The following MBD3 variants were observed in gnomAD, a reference collection of about 807,000 sequenced individuals.
The protein encoded by MBD3 is methyl-CpG-binding domain protein 3.
MBD3 carries 13 observed loss-of-function variants against 31.2 expected under a neutral mutation model. That is an observed-to-expected ratio of 0.42 (90% CI 0.27 to 0.66). The LOEUF (loss-of-function observed/expected upper bound fraction) is 0.66, where lower values mean the gene tolerates loss of function less well. Among genes scored for constraint, MBD3 ranks in the 30% least tolerant of loss-of-function variants. MBD3 has a pLI of 0.26. For missense variants in MBD3, 440 were observed against 426.5 expected (o/e 1.03, Z -0.28); for synonymous variants, 223 against 187.4 (o/e 1.19, Z -1.55).
Position 1,584,697 on chromosome 19 carries a change from C to T in MBD3, c.271-20G>A, listed in dbSNP as rs564662395. On this transcript the variant is annotated intron_variant, in intron 2 of 6. Coordinates refer to ENST00000434436, the MANE Select transcript of MBD3 (RefSeq NM_001281453.2). ...CTTGCCCTGCGGGAGGAAGGATATGCAGTCCGGCCTGGGGGCGCCCCGGCG... is the reference window on the plus strand; with the variant it reads ...CTTGCCCTGCGGGAGGAAGGATATGTAGTCCGGCCTGGGGGCGCCCCGGCG... 3 of 1,606,928 alleles carry T rather than the reference C, an allele frequency of 1.9e-6. No individual in the cohort carries two copies. Among genetic ancestry groups the T allele is most frequent in the Non-Finnish European group, 8.5e-7 (1 of 1,178,794 alleles).
intron 5 of MBD3, among the ~76,000 whole-genome samples, chr19:1,579,181 CAAAAAA>C (rs57070800): frequency 9.3e-5 from 2 of 21,494 alleles, no homozygotes. Context: ...CAGATTCTGC[CAAAAAA>C]AAAAAAAAAA....
intron 5 of MBD3, among the ~76,000 whole-genome samples, chr19:1,579,861 G>C (rs1239020613): frequency 6.6e-6 from 1 of 152,214 alleles, no homozygotes; most frequent in African/African-American, 2.4e-5. Context: ...AGGCTCCAGT[G>C]ATTCTCCTGC....
Position 1,578,096 on chromosome 19 carries a change from G to T in MBD3, c.*68C>A. 8.1e-6 allele frequency: 5 copies of T among 617,454 alleles called. No homozygotes were observed. Among genetic ancestry groups the T allele is most frequent in the Non-Finnish European group, 1.1e-5 (4 of 355,934 alleles). 38.2% of individuals were successfully genotyped at this position (617,454 alleles called of 1,614,324 possible). ...GGCTTCGCCGCCGAGCCTGGTTCAC[G>T]TGGGGCCGAGGACCGCGTCTGCAGG... On this transcript the variant is annotated 3_prime_UTR_variant, in exon 7 of 7. Transcript: ENST00000434436. The surrounding 1 kb of genome is among the most constrained non-coding windows in gnomAD (Gnocchi z 6.1).
At chr19:1,592,450 G>A in intron 1 of MBD3, 72 bp downstream of exon 1, 1 of 702,612 alleles carries the variant, frequency 1.4e-6, no homozygotes, top group Non-Finnish European at 2.0e-6. Context: ...CCGGGGCAGG[G>A]GCGCCGAGGC....
chr19:1,579,302 C>T (rs945610088), intron 5 of MBD3, among the ~76,000 whole-genome samples: 6 of 151,766 alleles, frequency 4.0e-5, no homozygotes, highest in African/African-American at 1.2e-4. Flanking sequence ...TATGCACCAG[C>T]GTGTACTCCT....
chr19:1,592,103 C>A (rs552620362), intron 1 of MBD3: 1 of 152,526 alleles, frequency 6.6e-6, no homozygotes, highest in African/African-American at 2.4e-5. Flanking sequence ...GCCCATGAGC[C>A]CTGCTCCCCG....
Position 1,582,658 on chromosome 19 carries a change from G to C in MBD3, c.463C>G (p.Leu155Val). The C allele has an allele frequency of 6.2e-7, 1 of 1,614,066 alleles. No individual in the cohort carries two copies. Among genetic ancestry groups the C allele is most frequent in the Admixed American group, 1.7e-5 (1 of 60,020 alleles). The change falls in exon 4 of 7, where the codon CTG (leucine) becomes GTG (valine). Residue 155 changes from leucine to valine, a missense_variant. Transcript: ENST00000434436. ...TTGGGGAGGTCCATGGTCTTGACCA[G>C]CTCCTCAGCAATGTCGAAGGCGTTC... ...GLNAFDIAEELVKTMDLPKGL... is the reference protein window; with the variant it reads ...GLNAFDIAEEVVKTMDLPKGL...
chr19:1,582,455 T>A (rs1377569584), intron 4 of MBD3, among the ~76,000 whole-genome samples, 167 bp downstream of exon 4: 16 of 151,946 alleles, frequency 1.1e-4, no homozygotes, highest in Admixed American at 5.9e-4. Context: ...CCCTTACCCA[T>A]CCCCAACCCC....
chr19:1,581,385 C>A, intron 4 of MBD3, 116 bp from the exon 5 acceptor site: 1 of 1,058,888 alleles, frequency 9.4e-7, no homozygotes. Context: ...TGGAAGGAAC[C>A]CCAACTTGGG....
rs903020713 is a variant in MBD3, at chr19:1,576,330, G to A, written c.*1834C>T. On this transcript the variant is annotated 3_prime_UTR_variant, in exon 7 of 7. Coordinates refer to ENST00000434436, the MANE Select transcript of MBD3 (RefSeq NM_001281453.2). ...GCGGCTGTGCAGGACCTGAGGACCT[G>A]GGGGGCCCTCCCTGCCAGGCAGCCC... The A allele has an allele frequency of 6.6e-6, 1 of 152,244 alleles. No individual in the cohort carries two copies. The highest frequency in any genetic ancestry group is 2.4e-5 in the African/African-American group (1 of 41,444). 9.4% of individuals were successfully genotyped at this position (152,244 alleles called of 1,614,324 possible). A position where few individuals can be genotyped will look rare whatever the true frequency, so the allele number is the denominator to read the frequency against.
In MBD3 at chr19:1,592,503, G is replaced by A. The variant is rs374262702; in HGVS notation, c.110+19C>T. ...GGAGGAGCCCGTTGAGGCCCTGCGC[G>A]GCCGGCGCGCTCATTCACCTATAGT... On this transcript the variant is annotated intron_variant, in intron 1 of 6. Transcript: ENST00000434436. 113 of 1,350,414 alleles carry A rather than the reference G, an allele frequency of 8.4e-5. No individual in the cohort carries two copies. The African/African-American group carries it at 1.4e-3, about 17-fold the overall frequency. The allele number at this position is 1,350,414 out of a possible 1,614,324, so 83.7% of individuals were successfully genotyped here.
At chr19:1,589,754 G>T (rs745706577) in intron 1 of MBD3, among the ~76,000 whole-genome samples, 2 of 151,904 alleles carry the variant, frequency 1.3e-5, no homozygotes, top group African/African-American at 4.8e-5. Context: ...GATCGCTTGA[G>T]CCCAGGAGGT....
intron 4 of MBD3, 170 bp from the exon 5 acceptor site, chr19:1,581,439 T>C: frequency 1.4e-6 from 1 of 725,214 alleles, no homozygotes; most frequent in Non-Finnish European, 2.3e-6. Context: ...ACTACATTCA[T>C]AACAGAAAAA....
At chr19:1,584,700 T>A in intron 2 of MBD3, 23 bp from the exon 3 acceptor site, 1 of 1,606,174 alleles carries the variant, frequency 6.2e-7, no homozygotes, top group South Asian at 1.1e-5. Flanking sequence ...GGATATGCAG[T>A]CCGGCCTGGG....
Position 1,578,233 on chromosome 19 carries a change from A to G in MBD3, c.*6-75T>C. 6.5e-7 allele frequency: 1 copy of G among 1,547,322 alleles called. No homozygotes were observed. On this transcript the variant is annotated intron_variant, in intron 6 of 6. Coordinates refer to ENST00000434436, the MANE Select transcript of MBD3 (RefSeq NM_001281453.2). This position sits in a 1 kb window ranked among gnomAD's most constrained non-coding sequence, Gnocchi z 6.1. Reference sequence around the variant, plus strand: ...GCTTGGGCTCTTCTAGGGAGATGGGAAGCTCTTGGGAGGCACCCGTCATCC... The same window carrying G: ...GCTTGGGCTCTTCTAGGGAGATGGGGAGCTCTTGGGAGGCACCCGTCATCC...
intron 1 of MBD3, among the ~76,000 whole-genome samples, chr19:1,590,541 C>A (rs2060698795): frequency 6.6e-6 from 1 of 152,080 alleles, no homozygotes; most frequent in Non-Finnish European, 1.5e-5. Flanking sequence ...TCGCCTGAGC[C>A]TGGGAGGTCA....
In MBD3 at chr19:1,592,605, CG is replaced by C; in HGVS notation, c.26del (p.Pro9ArgfsTer51). 1 of 1,400,132 alleles carries C rather than the reference CG, an allele frequency of 7.1e-7. No individual in the cohort carries two copies. The allele number at this position is 1,400,132 out of a possible 1,614,324, so 86.7% of individuals were successfully genotyped here. MERKRWEC[P>X]ALPQGWEREE... ...CCCTCTCCCAGCCCTGCGGGAGCGC[CG>C]GGCACTCCCACCTCTTCCGCTCCAT... is the stretch of plus-strand genomic sequence containing the variant. On this transcript the variant is annotated frameshift_variant, in exon 1 of 7. Transcript: ENST00000434436. LOFTEE classifies it high-confidence loss of function.
Position 1,592,560 on chromosome 19 carries a change from C to A in MBD3, c.72G>T (p.Ser24=). The part of the protein sequence containing the change: ...GWEREEVPRR[S]GLSAGHRDVF... ...CATCCCTGTGGCCGGCCGACAGCCC[C>A]GACCTTCTGGGCACTTCTTCCCTCT... Residue 24 remains serine, a synonymous_variant, in exon 1 of 7, where the codon TCG becomes TCT. Transcript: ENST00000434436. 1.4e-6 allele frequency: 2 copies of A among 1,445,328 alleles called. No homozygotes were observed. Among genetic ancestry groups the A allele is most frequent in the Non-Finnish European group, 1.9e-6 (2 of 1,077,212 alleles). 89.5% of individuals were successfully genotyped at this position (1,445,328 alleles called of 1,614,324 possible).
chr19:1,583,947 G>A (rs983912901), intron 3 of MBD3, among the ~76,000 whole-genome samples: 4 of 150,032 alleles, frequency 2.7e-5, no homozygotes, highest in Non-Finnish European at 4.4e-5. Context: ...TCAGCCTCCC[G>A]GGTAGCTGGG....
Sources: allele counts gnomAD v4.1 joint callset (sites outside exome capture counted in the v4.1 genomes callset), GRCh38; gene constraint gnomAD v4.1.1; non-coding constraint Gnocchi (gnomAD v3.1); transcripts MANE v1.5; gene names NCBI Gene and HGNC (gene_info 2026-07-23, HGNC 2026-07-21).